The following PDZRN3 variants were observed in gnomAD, a reference collection of about 807,000 sequenced individuals.
The protein encoded by PDZRN3 is E3 ubiquitin-protein ligase PDZRN3.
PDZRN3 carries 38 observed loss-of-function variants against 85.7 expected under a neutral mutation model. That is an observed-to-expected ratio of 0.44 (90% CI 0.34 to 0.58). The LOEUF (loss-of-function observed/expected upper bound fraction) is 0.58. Ranked by LOEUF, PDZRN3 falls within the 20% of genes least tolerant of loss-of-function variation. PDZRN3 has a pLI of 0.01. For synonymous variants in PDZRN3, 759 were observed against 638.0 expected (o/e 1.19, Z -2.86); for missense variants, 1,629 against 1,506.4 (o/e 1.08, Z -1.35).
intron 3 of PDZRN3, among the ~76,000 whole-genome samples, chr3:73,426,618 C>T (rs1702320904): frequency 6.6e-6 from 1 of 152,162 alleles, no homozygotes; most frequent in South Asian, 2.1e-4. Flanking sequence ...GACAAAGACT[C>T]AAGAAAATCT....
At chr3:73,497,810 CG>C (rs199729404) in intron 3 of PDZRN3, among the ~76,000 whole-genome samples, 5,166 of 151,880 alleles carry the variant, frequency 0.034, 286 homozygotes, top group African/African-American at 0.11. Flanking sequence ...CCCCCGTCCC[CG>C]CCCCCGCCAA....
At chr3:73,617,123 C>T (rs1232468259) in intron 1 of PDZRN3, among the ~76,000 whole-genome samples, 3 of 152,134 alleles carry the variant, frequency 2.0e-5, no homozygotes, top group African/African-American at 7.2e-5. Context: ...GATCTCCTGC[C>T]CAGGACTCTT....
intron 3 of PDZRN3, among the ~76,000 whole-genome samples, chr3:73,585,595 T>TTCA (rs1702265761): frequency 6.6e-6 from 1 of 152,176 alleles, no homozygotes; most frequent in African/African-American, 2.4e-5. Flanking sequence ...AGTTCCACTG[T>TTCA]GTTTTATTGC....
chr3:73,601,097 T>C (rs1242215687), intron 3 of PDZRN3, among the ~76,000 whole-genome samples: 1 of 152,238 alleles, frequency 6.6e-6, no homozygotes, highest in Non-Finnish European at 1.5e-5. Context: ...TTCAGTTTGC[T>C]TTCCCTGTGA....
At chr3:73,542,701 G>A (rs186850518) in intron 3 of PDZRN3, among the ~76,000 whole-genome samples, 6 of 152,070 alleles carry the variant, frequency 3.9e-5, no homozygotes, top group Non-Finnish European at 5.9e-5. Flanking sequence ...TTGAACCCGG[G>A]AGGTGGAGGT....
chr3:73,604,081 T>C (rs1306831690), intron 2 of PDZRN3, among the ~76,000 whole-genome samples: 1 of 152,214 alleles, frequency 6.6e-6, no homozygotes, highest in Admixed American at 6.5e-5. Flanking sequence ...GGGTGCTGTG[T>C]AGGATCATCT....
chr3:73,467,262 C>A (rs1370423403), intron 3 of PDZRN3, among the ~76,000 whole-genome samples: 1 of 152,198 alleles, frequency 6.6e-6, no homozygotes, highest in Non-Finnish European at 1.5e-5. Flanking sequence ...CCTTTTGATA[C>A]CACCTGGTGA....
chr3:73,434,490 A>C (rs1702494415), intron 3 of PDZRN3, among the ~76,000 whole-genome samples: 1 of 152,248 alleles, frequency 6.6e-6, no homozygotes, highest in East Asian at 1.9e-4. Flanking sequence ...CAAAGTAGCT[A>C]GGGGTTATAA....
intron 3 of PDZRN3, among the ~76,000 whole-genome samples, chr3:73,510,384 C>A (rs983992439): frequency 6.6e-6 from 1 of 152,148 alleles, no homozygotes; most frequent in Non-Finnish European, 1.5e-5. Context: ...CACATATACA[C>A]GCACAAGGAA....
chr3:73,433,628 C>A (rs6803514), intron 3 of PDZRN3: 96,975 of 1,515,754 alleles, frequency 0.064, 3,585 homozygotes, highest in African/African-American at 0.11. Flanking sequence ...GAATAAAATG[C>A]AGGGTGTTAC....
chr3:73,542,820 C>A (rs1432871400), intron 3 of PDZRN3, among the ~76,000 whole-genome samples: 1 of 152,042 alleles, frequency 6.6e-6, no homozygotes, highest in Non-Finnish European at 1.5e-5. Context: ...GACTCTCTTG[C>A]TGAAGATCAT....
chr3:73,437,995 CCACA>C (rs1417636031), intron 3 of PDZRN3, among the ~76,000 whole-genome samples: 3 of 152,148 alleles, frequency 2.0e-5, no homozygotes, highest in Non-Finnish European at 4.4e-5. Flanking sequence ...AAACTACTGG[CCACA>C]CAAAGGCACA....
At chr3:73,458,409 C>A (rs1703031830) in intron 3 of PDZRN3, among the ~76,000 whole-genome samples, 1 of 151,694 alleles carries the variant, frequency 6.6e-6, no homozygotes, top group Non-Finnish European at 1.5e-5. Context: ...CTTACAGGGT[C>A]AGGTAAACTC....
At chr3:73,563,013 ATTTTTTT>A (rs879510100) in intron 3 of PDZRN3, among the ~76,000 whole-genome samples, 5 of 43,758 alleles carry the variant, frequency 1.1e-4, no homozygotes, top group African/African-American at 4.1e-4. Flanking sequence ...ATATATATAT[ATTTTTTT>A]TTTTTTTTTT....
chr3:73,451,153 T>A (rs550706645), intron 3 of PDZRN3, among the ~76,000 whole-genome samples: 1 of 152,278 alleles, frequency 6.6e-6, no homozygotes, highest in African/African-American at 2.4e-5. Context: ...TCCTCGGAGC[T>A]GCAAATACTT....
intron 2 of PDZRN3, among the ~76,000 whole-genome samples, chr3:73,608,247 C>T (rs985904674): frequency 1.3e-5 from 2 of 152,110 alleles, no homozygotes; most frequent in African/African-American, 4.8e-5. Context: ...CACTCCAGCT[C>T]GGTCTAGGAC....
chr3:73,575,124 G>A (rs912142991), intron 3 of PDZRN3, among the ~76,000 whole-genome samples: 1 of 152,164 alleles, frequency 6.6e-6, no homozygotes, highest in African/African-American at 2.4e-5. Flanking sequence ...CAACATGATC[G>A]CCTAAAGAAG....
chr3:73,501,639 G>T (rs1313752464), intron 3 of PDZRN3, among the ~76,000 whole-genome samples: 2 of 152,192 alleles, frequency 1.3e-5, no homozygotes, highest in Non-Finnish European at 2.9e-5. Flanking sequence ...GGGTGTCAAA[G>T]GAAAACCTCG....
At chr3:73,571,029 A>G (rs4342050) in intron 3 of PDZRN3, among the ~76,000 whole-genome samples, 118,984 of 152,158 alleles carry the variant, frequency 0.78, 47,993 homozygotes, top group East Asian at 0.89. Context: ...TGGAAGCCCT[A>G]CATTAAAAAG....
Sources: allele counts gnomAD v4.1 joint callset (sites outside exome capture counted in the v4.1 genomes callset), GRCh38; gene constraint gnomAD v4.1.1; transcripts MANE v1.5; gene names NCBI Gene and HGNC (gene_info 2026-07-23, HGNC 2026-07-21).